Variants in PTPRN2 observed in about 807,000 individuals in gnomAD.
PTPRN2 encodes the protein protein tyrosine phosphatase receptor type N2.
Under a neutral mutation model 118.8 loss-of-function variants are expected in PTPRN2, and 74 were observed. That is an observed-to-expected ratio of 0.62 (90% CI 0.52 to 0.76). The LOEUF (loss-of-function observed/expected upper bound fraction) is 0.76. Ranked by LOEUF, PTPRN2 falls within the 30% of genes least tolerant of loss-of-function variation. The probability of loss-of-function intolerance (pLI) is 0.00; values close to 1 mark genes in which losing one functional copy is unlikely to be tolerated. For missense variants in PTPRN2, 1,481 were observed against 1,394.4 expected (o/e 1.06, Z -0.99); for synonymous variants, 641 against 608.0 (o/e 1.05, Z -0.80).
intron 12 of PTPRN2, among the ~76,000 whole-genome samples, chr7:157,725,341 G>A (rs1268891080): frequency 1.4e-5 from 1 of 72,582 alleles, no homozygotes; most frequent in African/African-American, 6.3e-5. Flanking sequence ...CAGGAGAACT[G>A]GATATCTACA....
chr7:158,583,620 C>A (rs1390164611), intron 1 of PTPRN2, among the ~76,000 whole-genome samples: 1 of 152,216 alleles, frequency 6.6e-6, no homozygotes, highest in Non-Finnish European at 1.5e-5. Flanking sequence ...CCCTGCCCAT[C>A]CCTTCTGAGC....
Position 158,238,286 on chromosome 7 carries a change from C to T in PTPRN2, c.278-33013G>A, listed in dbSNP as rs117486499. Among the ~76,000 whole-genome samples the T allele has an allele frequency of 7.7e-3, 1,171 of 152,186 alleles. 21 individuals carry two copies. The highest frequency in any genetic ancestry group is 0.035 in the South Asian group (170 of 4,804). ...GGAGCCCAGCACACCTGATGGCCAT[C>T]GCAGATCAGGAAACCGTCCTCCCCT... is the stretch of plus-strand genomic sequence containing the variant. On this transcript the variant is annotated intron_variant, in intron 3 of 22. Coordinates refer to ENST00000389418, the MANE Select transcript of PTPRN2 (RefSeq NM_002847.5).
At chr7:157,828,524 T>TCA (rs1215230886) in intron 12 of PTPRN2, among the ~76,000 whole-genome samples, 1 of 151,954 alleles carries the variant, frequency 6.6e-6, no homozygotes, top group Non-Finnish European at 1.5e-5. Flanking sequence ...TGGCAGCAGC[T>TCA]CACAGCAAGA....
At chr7:157,942,169 A>G (rs10238248) in intron 11 of PTPRN2, among the ~76,000 whole-genome samples, 1,412 of 35,830 alleles carry the variant, frequency 0.039, 30 homozygotes, top group Middle Eastern at 0.071. Flanking sequence ...CTCCACACAC[A>G]GGGGTCCTCG....
At position 157,893,242 on chromosome 7, in the gene PTPRN2, C is replaced by T. The variant is rs546800695; in HGVS notation, c.1788+5431G>A. ...ATTTTCTGTCCCAGGGATGACGGAG[C>T]CTCTGCCCCTGGGAATGGCAAGGTC... On this transcript the variant is annotated intron_variant, in intron 12 of 22. Coordinates refer to ENST00000389418, the MANE Select transcript of PTPRN2 (RefSeq NM_002847.5). The surrounding 1 kb of genome is among the most constrained non-coding windows in gnomAD (Gnocchi z 4.0). Among the ~76,000 whole-genome samples the T allele has an allele frequency of 4.6e-5, 7 of 152,172 alleles. No individual in the cohort carries two copies. The highest frequency in any genetic ancestry group is 2.9e-5 in the Non-Finnish European group (2 of 68,038).
intron 11 of PTPRN2, among the ~76,000 whole-genome samples, chr7:157,910,725 C>T (rs1407836197): frequency 6.1e-5 from 8 of 131,426 alleles, no homozygotes; most frequent in South Asian, 4.8e-4. Flanking sequence ...TGTGTGTGTG[C>T]GAGCGCGCGT....
At position 157,578,181 on chromosome 7, in the gene PTPRN2, C is replaced by T. The variant is rs750676487; in HGVS notation, c.2497-41G>A. ...GCCCGTGGCCGCGGTGTGACTGTCTCATCACCGCGTGACATGTGTAATTAC... is the reference window on the plus strand; with the variant it reads ...GCCCGTGGCCGCGGTGTGACTGTCTTATCACCGCGTGACATGTGTAATTAC... On this transcript the variant is annotated intron_variant, in intron 17 of 22. Transcript: ENST00000389418. The T allele has an allele frequency of 5.7e-6, 9 of 1,576,228 alleles. No individual in the cohort carries two copies. In the South Asian group the frequency reaches 1.0e-4, roughly 18 times the overall value.
chr7:158,549,304 C>T (rs1826490831), intron 1 of PTPRN2, among the ~76,000 whole-genome samples: 1 of 152,248 alleles, frequency 6.6e-6, no homozygotes, highest in African/African-American at 2.4e-5. Context: ...GGGACAGGGT[C>T]TCCACGGGGA....
rs192789776 is a variant in PTPRN2 at position 158,077,810 on chromosome 7, T to C, written c.1723+3488A>G. On this transcript the variant is annotated intron_variant, in intron 11 of 22. Transcript: ENST00000389418. The stretch of plus-strand genomic sequence containing the variant: ...ATTTCCTTTTCTTTGAAAGGAGCAA[T>C]ACAAAAATTGATCAGAAATATACTA... Among the ~76,000 whole-genome samples the C allele has an allele frequency of 1.0e-3, 155 of 152,214 alleles. 1 individual carries two copies. Among genetic ancestry groups the C allele is most frequent in the African/African-American group, 3.4e-3 (142 of 41,530 alleles).
chr7:158,414,741 T>G (rs1814510386), intron 2 of PTPRN2, among the ~76,000 whole-genome samples: 1 of 152,328 alleles, frequency 6.6e-6, no homozygotes, highest in East Asian at 1.9e-4. Context: ...GAGGCTCCAC[T>G]GAACGCTGGG....
At chr7:158,212,718 C>T (rs774284019) in intron 3 of PTPRN2, among the ~76,000 whole-genome samples, 1 of 152,146 alleles carries the variant, frequency 6.6e-6, no homozygotes, top group South Asian at 2.1e-4. Flanking sequence ...ACATAGTACC[C>T]GCCACTCACC....
chr7:157,910,690 C>T (rs1798052414), intron 11 of PTPRN2, among the ~76,000 whole-genome samples: 1 of 148,900 alleles, frequency 6.7e-6, no homozygotes, highest in African/African-American at 2.5e-5. Context: ...CAGAAAGATG[C>T]CATGCGGCAG....
At chr7:158,501,649 G>A (rs547283715) in intron 1 of PTPRN2, among the ~76,000 whole-genome samples, 234 of 152,156 alleles carry the variant, frequency 1.5e-3, no homozygotes, top group Admixed American at 2.6e-3. Context: ...CCAGAGCCCC[G>A]GCCACCCTGT....
In PTPRN2 at chr7:158,526,380, G is replaced by A. The variant is rs1222668374; in HGVS notation, c.113-36595C>T. The stretch of plus-strand genomic sequence containing the variant: ...TAACCAGGTAGAGCCACGCTCACGA[G>A]AACCACCAGCCACTCTGAGCTAGGA... On this transcript the variant is annotated intron_variant, in intron 1 of 22. Transcript: ENST00000389418. The surrounding 1 kb of genome is among the most constrained non-coding windows in gnomAD (Gnocchi z 5.2). Among the ~76,000 whole-genome samples the A allele has an allele frequency of 6.6e-6, 1 of 152,204 alleles. No individual in the cohort carries two copies. The highest frequency in any genetic ancestry group is 1.5e-5 in the Non-Finnish European group (1 of 68,042).
At chr7:158,484,861 G>C (rs1243077293) in intron 2 of PTPRN2, among the ~76,000 whole-genome samples, 2 of 152,192 alleles carry the variant, frequency 1.3e-5, no homozygotes, top group Non-Finnish European at 2.9e-5. Context: ...GTGGAGAAAG[G>C]GCTTGGAATA....
chr7:157,948,635 C>T (rs368646427), intron 11 of PTPRN2, among the ~76,000 whole-genome samples: 1 of 152,156 alleles, frequency 6.6e-6, no homozygotes, highest in East Asian at 1.9e-4. Context: ...AGGGATCAAA[C>T]TCACCAATTA....
rs926373397 is a variant in PTPRN2, at chr7:158,390,947, C to T, written c.164-74015G>A. Among the ~76,000 whole-genome samples, 3 of 152,158 alleles carry T rather than the reference C, an allele frequency of 2.0e-5. No homozygotes were observed. The East Asian group carries it at 5.8e-4, about 29-fold the overall frequency. ...CTGTGTCCACGTGGCAGGCTCTGTC[C>T]GCTGTCAGGGCCCTACAGGAACAAG... On this transcript the variant is annotated intron_variant, in intron 2 of 22. Transcript: ENST00000389418.
At chr7:157,818,759 A>G (rs746306496) in intron 12 of PTPRN2, among the ~76,000 whole-genome samples, 6 of 152,168 alleles carry the variant, frequency 3.9e-5, no homozygotes, top group Non-Finnish European at 5.9e-5. Flanking sequence ...TTTAGAGAAA[A>G]TGTAAAACAT....
intron 11 of PTPRN2, among the ~76,000 whole-genome samples, chr7:157,898,993 G>A (rs1348014322): frequency 1.3e-5 from 2 of 152,208 alleles, no homozygotes; most frequent in Non-Finnish European, 1.5e-5. Context: ...TGTCCCACCC[G>A]GGTCCCCAGG....
Sources: gnomAD v4.1 joint callset for allele counts (sites outside exome capture counted in the v4.1 genomes callset) on GRCh38, gnomAD v4.1.1 for gene constraint, Gnocchi (gnomAD v3.1) non-coding constraint, MANE v1.5 for transcripts, NCBI Gene and HGNC (gene_info 2026-07-23, HGNC 2026-07-21) for gene names.